Variants in NTM observed in about 807,000 individuals in gnomAD.
NTM encodes the protein neurotrimin.
Under a neutral mutation model 42.1 loss-of-function variants are expected in NTM, and 13 were observed. The ratio of observed to expected loss-of-function variants is 0.31; its 90% confidence interval spans 0.20 to 0.49. NTM has a LOEUF of 0.49. NTM is among the 20% of genes least tolerant of loss of function. NTM has a pLI of 0.99. For synonymous variants in NTM, 187 were observed against 179.2 expected (o/e 1.04, Z -0.35); for missense variants, 373 against 452.8 (o/e 0.82, Z 1.60).
rs375696689 is a variant in NTM at position 131,919,923 on chromosome 11, T to G, written c.167+8275T>G. ...CCACCTATAATTGTGAGTTTTTTTG[T>G]GGTGCCTCTCCTACACATCTGTTTA... On this transcript the variant is annotated intron_variant, in intron 2 of 8. Coordinates refer to ENST00000683400, the MANE Select transcript of NTM (RefSeq NM_001352005.2). Among the ~76,000 whole-genome samples, 164 of 152,268 alleles carry G rather than the reference T, an allele frequency of 1.1e-3. 1 individual carries two copies. Among genetic ancestry groups the G allele is most frequent in the African/African-American group, 3.6e-3 (151 of 41,566 alleles).
chr11:132,095,183 G>T (rs1035754384), intron 2 of NTM, among the ~76,000 whole-genome samples: 1 of 152,210 alleles, frequency 6.6e-6, no homozygotes, highest in South Asian at 2.1e-4. Context: ...GCTGTCTGCA[G>T]ATCTGAGGAT....
intron 2 of NTM, among the ~76,000 whole-genome samples, chr11:132,077,957 T>A (rs917009323): frequency 1.6e-4 from 24 of 152,294 alleles, no homozygotes; most frequent in African/African-American, 5.5e-4. Flanking sequence ...GCAAGTTAAA[T>A]CCTTATACCA....
At chr11:132,132,473 A>G (rs998065907) in intron 2 of NTM, among the ~76,000 whole-genome samples, 2 of 152,364 alleles carry the variant, frequency 1.3e-5, no homozygotes, top group African/African-American at 4.8e-5. Flanking sequence ...CTGCATCTTC[A>G]CAGGCATATG....
At chr11:131,463,860 G>T (rs897836978) in intron 1 of NTM, among the ~76,000 whole-genome samples, 6 of 152,254 alleles carry the variant, frequency 3.9e-5, no homozygotes, top group Non-Finnish European at 8.8e-5. Context: ...AAGGAGAGAG[G>T]ATGGGGCCTG....
In NTM at chr11:131,424,600, CT is replaced by C. The variant is rs769740331; in HGVS notation, c.82+53730del. Among the ~76,000 whole-genome samples the C allele has an allele frequency of 3.2e-3, 178 of 56,046 alleles. 12 individuals are homozygous for C. In the East Asian group the frequency reaches 0.081, roughly 25 times the overall value. The allele number at this position is 56,046 out of a possible 152,430, so 36.8% of individuals were successfully genotyped here. A position where few individuals can be genotyped will look rare whatever the true frequency, so the allele number is the denominator to read the frequency against. On this transcript the variant is annotated intron_variant, in intron 1 of 8. Coordinates refer to ENST00000683400, the MANE Select transcript of NTM (RefSeq NM_001352005.2). ...AGTTGTTTTTTATTTCTTTTCTTTT[CT>C]TTTTTTTTTTTTTTTTTGGCGCAAT...
At chr11:132,204,034 A>G (rs541147540) in intron 3 of NTM, among the ~76,000 whole-genome samples, 5 of 152,326 alleles carry the variant, frequency 3.3e-5, no homozygotes, top group East Asian at 1.9e-4. Flanking sequence ...AGGATGACCA[A>G]TGCATCCCCA....
intron 1 of NTM, among the ~76,000 whole-genome samples, chr11:131,825,203 A>G (rs1392918690): frequency 6.6e-6 from 1 of 152,132 alleles, no homozygotes; most frequent in Non-Finnish European, 1.5e-5. Flanking sequence ...GTGTTCTTGT[A>G]TGCATCTGTG....
rs114507188 is a variant in NTM at position 131,713,667 on chromosome 11, T to G, written c.83-197897T>G. 8.9e-3 allele frequency among the ~76,000 whole-genome samples: 1,359 copies of G among 152,314 alleles called. 25 individuals carry two copies. Among genetic ancestry groups the G allele is most frequent in the African/African-American group, 0.027 (1,110 of 41,570 alleles). ...ATTTCTAAGTCTTACTCAGGCCAGCTTCTCTTATTTCAGAGTCAAGTTCAG... is the reference window on the plus strand; with the variant it reads ...ATTTCTAAGTCTTACTCAGGCCAGCGTCTCTTATTTCAGAGTCAAGTTCAG... On this transcript the variant is annotated intron_variant, in intron 1 of 8. Transcript: ENST00000683400.
intron 1 of NTM, among the ~76,000 whole-genome samples, chr11:131,465,952 G>T (rs898716398): frequency 6.6e-6 from 1 of 152,250 alleles, no homozygotes; most frequent in African/African-American, 2.4e-5. Context: ...GACCACAAGG[G>T]GGCATGGCCC....
intron 1 of NTM, among the ~76,000 whole-genome samples, chr11:131,521,381 G>GTATTT (rs2049660915): frequency 9.7e-6 from 1 of 103,386 alleles, no homozygotes; most frequent in Non-Finnish European, 1.9e-5. Flanking sequence ...CAAGGTGCCA[G>GTATTT]TCTTTTTTTT....
At chr11:131,938,612 A>C (rs1187788214) in intron 2 of NTM, among the ~76,000 whole-genome samples, 1 of 152,138 alleles carries the variant, frequency 6.6e-6, no homozygotes, top group Non-Finnish European at 1.5e-5. Flanking sequence ...TGTCTTTGAG[A>C]CACCCTGGCT....
At position 131,566,147 on chromosome 11, in the gene NTM, A is replaced by G. The variant is rs1414310542; in HGVS notation, c.82+195259A>G. Among the ~76,000 whole-genome samples the G allele has an allele frequency of 2.6e-5, 4 of 152,310 alleles. No homozygotes were observed. In the East Asian group the frequency reaches 7.7e-4, roughly 29 times the overall value. On this transcript the variant is annotated intron_variant, in intron 1 of 8. Coordinates refer to ENST00000683400, the MANE Select transcript of NTM (RefSeq NM_001352005.2). The stretch of plus-strand genomic sequence containing the variant: ...CCCCACACCCGGTCTCATTTTGTGC[A>G]GTCAATATAATCCTGATAAGATCTA...
chr11:131,378,289 A>G (rs1228190378), intron 1 of NTM, among the ~76,000 whole-genome samples: 5 of 152,218 alleles, frequency 3.3e-5, no homozygotes, highest in Non-Finnish European at 7.3e-5. Context: ...TCACTCTAAA[A>G]TAAAACACTT....
Position 132,236,876 on chromosome 11 carries a change from G to A in NTM, c.526+24729G>A, listed in dbSNP as rs912703410. On this transcript the variant is annotated intron_variant, in intron 4 of 8. Transcript: ENST00000683400. ...GTGTGATGTCGAAGGCCAGGTTACC[G>A]AAGGCCACACAGCTTCTGCTGGTTT... is the stretch of plus-strand genomic sequence containing the variant. Among the ~76,000 whole-genome samples the A allele has an allele frequency of 2.6e-5, 4 of 152,182 alleles. No homozygotes were observed. The East Asian group carries it at 5.8e-4, about 22-fold the overall frequency.
intron 3 of NTM, among the ~76,000 whole-genome samples, chr11:132,159,163 T>A (rs145150041): frequency 6.6e-6 from 1 of 152,184 alleles, no homozygotes; most frequent in Non-Finnish European, 1.5e-5. Flanking sequence ...TTATCCTGTG[T>A]TCCTGACCAG....
intron 1 of NTM, among the ~76,000 whole-genome samples, chr11:131,429,963 G>C (rs1206932456): frequency 6.6e-6 from 1 of 152,164 alleles, no homozygotes; most frequent in Admixed American, 6.5e-5. Context: ...TTTAGGACAG[G>C]AACTGTATCT....
chr11:131,456,226 C>T (rs1477599548), intron 1 of NTM, among the ~76,000 whole-genome samples: 1 of 152,168 alleles, frequency 6.6e-6, no homozygotes, highest in Non-Finnish European at 1.5e-5. Flanking sequence ...TCAGTAGCAG[C>T]AGGTTGTTTC....
intron 1 of NTM, chr11:131,605,606 A>G (rs1029339485): frequency 6.3e-6 from 1 of 159,614 alleles, no homozygotes; most frequent in African/African-American, 2.4e-5. Flanking sequence ...TGAACATCCT[A>G]GTACAGTTCC....
chr11:131,612,549 A>C (rs1040266602), intron 1 of NTM, among the ~76,000 whole-genome samples: 2 of 152,388 alleles, frequency 1.3e-5, no homozygotes, highest in South Asian at 4.1e-4. Flanking sequence ...CATGGAGGGA[A>C]GCAAAGCTCA....
Sources: allele counts gnomAD v4.1 joint callset (sites outside exome capture counted in the v4.1 genomes callset), GRCh38; gene constraint gnomAD v4.1.1; transcripts MANE v1.5; gene names NCBI Gene and HGNC (gene_info 2026-07-23, HGNC 2026-07-21).